The following ERCC1 variants were observed in gnomAD, a reference collection of about 807,000 sequenced individuals.
ERCC1 encodes DNA excision repair protein ERCC-1.
Under a neutral mutation model 37.6 loss-of-function variants are expected in ERCC1, and 36 were observed. The observed-to-expected ratio is 0.96, with a 90% CI of 0.73 to 1.26. The LOEUF (loss-of-function observed/expected upper bound fraction) is 1.26. ERCC1 is among the 50% of genes most tolerant of loss of function. The pLI, the probability that ERCC1 is intolerant of heterozygous loss-of-function variation, is 0.00. For synonymous variants in ERCC1, 156 were observed against 162.1 expected, an observed-to-expected ratio of 0.96 and a Z score of 0.28; for missense variants, 349 against 376.5, an observed-to-expected ratio of 0.93 and a Z score of 0.60.
intron 5 of ERCC1, among the ~76,000 whole-genome samples, chr19:45,417,610 G>C (rs1974143309): frequency 1.3e-5 from 2 of 152,118 alleles, no homozygotes; most frequent in South Asian, 2.1e-4. Context: ...TGGAGAACTG[G>C]GTAGAGGTTG....
In ERCC1 at chr19:45,423,401, G is replaced by T. The variant is rs368596500; in HGVS notation, c.-7-20C>A. The T allele has an allele frequency of 1.6e-5, 26 of 1,594,732 alleles. No individual in the cohort carries two copies. The South Asian group carries it at 2.7e-4, about 17-fold the overall frequency. ...TGGAGCCTGAAAGGGAAGGTGCCAG[G>T]AGCGAGTGAGCCACTGGCGTCTACG... On this transcript the variant is annotated intron_variant, in intron 1 of 9. Transcript: ENST00000300853.
chr19:45,431,022 G>C (rs1392666283), intron 1 of ERCC1, among the ~76,000 whole-genome samples: 2 of 152,120 alleles, frequency 1.3e-5, no homozygotes, highest in Non-Finnish European at 2.9e-5. Flanking sequence ...GCACGATCTT[G>C]GCTTACTGCA....
At chr19:45,425,081 AATTTTT>A (rs1974647517), upstream of ERCC1, among the ~76,000 whole-genome samples, 1 of 90,890 alleles carries the variant, frequency 1.1e-5, no homozygotes, top group African/African-American at 7.1e-5. Flanking sequence ...ATGCCCGGCT[AATTTTT>A]TTTTTTTTTT....
intron 9 of ERCC1, 170 bp from the exon 10 acceptor site, chr19:45,409,895 A>ATTATTTTTT (rs1555785258): frequency 5.8e-4 from 99 of 171,652 alleles, no homozygotes; most frequent in African/African-American, 2.5e-3. Flanking sequence ...TATTATTATT[A>ATTATTTTTT]TTTTTTTTTT....
At chr19:45,447,930 G>A (rs1023160896) in intron 1 of ERCC1, among the ~76,000 whole-genome samples, 1 of 151,084 alleles carries the variant, frequency 6.6e-6, no homozygotes, top group African/African-American at 2.4e-5. Context: ...GGAGTGCAGT[G>A]GCACAATCTC....
At chr19:45,417,766 C>T (rs1049432242) in intron 5 of ERCC1, among the ~76,000 whole-genome samples, 1 of 152,124 alleles carries the variant, frequency 6.6e-6, no homozygotes, top group African/African-American at 2.4e-5. Context: ...GTGACATGAT[C>T]TTGGCTCATT....
chr19:45,419,229 T>C (rs994043284), intron 4 of ERCC1, 32 bp from the exon 5 acceptor site: 31 of 1,456,790 alleles, frequency 2.1e-5, no homozygotes, highest in South Asian at 6.0e-5. Context: ...AGTTGAGAGG[T>C]CTCAGTCTCT....
chr19:45,425,379 GATTT>G (rs575392209), upstream of ERCC1, among the ~76,000 whole-genome samples: 7 of 151,692 alleles, frequency 4.6e-5, no homozygotes, highest in African/African-American at 9.7e-5. Context: ...ATCTATGTAA[GATTT>G]ATTTATTTAT....
At chr19:45,416,664 C>A in intron 6 of ERCC1, 157 bp downstream of exon 6, 1 of 620,220 alleles carries the variant, frequency 1.6e-6, no homozygotes, top group Non-Finnish European at 2.9e-6. Context: ...AAATTAAGAC[C>A]TTGTTTTACA....
chr19:45,442,599 G>A (rs1238871793), intron 1 of ERCC1, among the ~76,000 whole-genome samples: 6 of 152,146 alleles, frequency 3.9e-5, no homozygotes, highest in African/African-American at 1.4e-4. Flanking sequence ...GAGGTGCAAG[G>A]ATGTGTCCTT....
intron 6 of ERCC1, among the ~76,000 whole-genome samples, chr19:45,415,635 C>CAA (rs913880423): frequency 0.026 from 1,142 of 44,724 alleles, 61 homozygotes; most frequent in African/African-American, 0.069. Flanking sequence ...GACTCCGTCT[C>CAA]AAAAAAAAAA....
At chr19:45,427,484 G>C (rs556218165), upstream of ERCC1, among the ~76,000 whole-genome samples, 19 of 152,054 alleles carry the variant, frequency 1.2e-4, no homozygotes, top group South Asian at 3.5e-3. Flanking sequence ...GCGTGGTGGC[G>C]GACGCCTGTA....
At chr19:45,433,220 T>C (rs781038035) in intron 1 of ERCC1, among the ~76,000 whole-genome samples, 2 of 151,824 alleles carry the variant, frequency 1.3e-5, no homozygotes, top group Non-Finnish European at 2.9e-5. Context: ...TGAAACCCTG[T>C]CTCTACTAAA....
chr19:45,409,048 A>AG lies in ERCC1; in HGVS notation c.*626dup, dbSNP rs1568570937. Reference sequence around the variant, plus strand: ...CGGAGATGAAGCCTCTGGAGTCCCCAGGGGGGACCATGGCGCCTCAACAGC... The same window carrying AG: ...CGGAGATGAAGCCTCTGGAGTCCCCAGGGGGGGACCATGGCGCCTCAACAGC... On this transcript the variant is annotated 3_prime_UTR_variant, in exon 10 of 10. Transcript: ENST00000300853. 1.9e-6 allele frequency: 3 copies of AG among 1,613,718 alleles called. No homozygotes were observed. Among genetic ancestry groups the AG allele is most frequent in the South Asian group, 1.1e-5 (1 of 91,062 alleles).
chr19:45,431,619 A>G (rs1438385296), intron 1 of ERCC1, among the ~76,000 whole-genome samples: 8 of 151,414 alleles, frequency 5.3e-5, no homozygotes, highest in Non-Finnish European at 1.2e-4. Flanking sequence ...GGAGGCTGCA[A>G]TGAGCCAAGA....
At chr19:45,446,858 C>T (rs1233732623) in intron 1 of ERCC1, among the ~76,000 whole-genome samples, 1 of 152,086 alleles carries the variant, frequency 6.6e-6, no homozygotes, top group Admixed American at 6.6e-5. Context: ...ATTAGCTGAG[C>T]GCAGTGGCAG....
chr19:45,429,415 G>A (rs1179040136), intron 1 of ERCC1, among the ~76,000 whole-genome samples: 2 of 152,134 alleles, frequency 1.3e-5, no homozygotes, highest in East Asian at 1.9e-4. Flanking sequence ...AGCCAAGATC[G>A]CGCCACTGCA....
Position 45,408,112 on chromosome 19 carries a change from C to T in ERCC1, c.*1563G>A. ...TCTCCTGTTCCACTTAAGCCTCTGC[C>T]CTCCCTGTTTCTCTCTGTAGCTTCA... On this transcript the variant is annotated 3_prime_UTR_variant, in exon 10 of 10. Coordinates refer to ENST00000300853, the MANE Select transcript of ERCC1 (RefSeq NM_001983.4). 6 of 1,570,098 alleles carry T rather than the reference C, an allele frequency of 3.8e-6. No homozygotes were observed. The highest frequency in any genetic ancestry group is 5.2e-6 in the Non-Finnish European group (6 of 1,153,416).
intron 2 of ERCC1, among the ~76,000 whole-genome samples, chr19:45,421,596 A>C (rs1974433652): frequency 6.6e-6 from 1 of 150,448 alleles, no homozygotes; most frequent in African/African-American, 2.5e-5. Flanking sequence ...CTTCCCAAGT[A>C]GCTGGGATTA....
Sources: gnomAD v4.1 joint callset for allele counts (sites outside exome capture counted in the v4.1 genomes callset) on GRCh38, gnomAD v4.1.1 for gene constraint, MANE v1.5 for transcripts, NCBI Gene and HGNC (gene_info 2026-07-23, HGNC 2026-07-21) for gene names.